MINDY4: variants seen among roughly 807,000 people sequenced by gnomAD.
The protein encoded by MINDY4 is probable ubiquitin carboxyl-terminal hydrolase MINDY-4.
In MINDY4, 68 loss-of-function variants were observed where a neutral mutation model predicts 87.0. The ratio of observed to expected loss-of-function variants is 0.78; its 90% CI spans 0.64 to 0.96. MINDY4 has a LOEUF of 0.96. MINDY4 is among the 40% of genes least tolerant of loss of function. MINDY4 has a pLI of 0.00. For missense variants in MINDY4, 919 were observed against 928.2 expected (o/e 0.99, Z 0.13); for synonymous variants, 379 against 363.2 (o/e 1.04, Z -0.50).
intron 6 of MINDY4, among the ~76,000 whole-genome samples, chr7:30,833,918 C>T (rs1234007702): frequency 6.6e-6 from 1 of 152,238 alleles, no homozygotes; most frequent in East Asian, 1.9e-4. Context: ...CATGCTGATG[C>T]AAGAGGTGGG....
chr7:30,810,174 C>CAAAAAAAAAAAAAAAAAAAAA, intron 5 of MINDY4, among the ~76,000 whole-genome samples: 1 of 66,698 alleles, frequency 1.5e-5, no homozygotes, highest in Non-Finnish European at 2.6e-5. Context: ...GACTCTGTTT[C>CAAAAAAAAAAAAAAAAAAAAA]AAAAAAAAAA....
intron 4 of MINDY4, chr7:30,786,270 C>T (rs1584236473): frequency 4.7e-6 from 2 of 421,198 alleles, no homozygotes; most frequent in East Asian, 9.1e-5. Flanking sequence ...AGAATACCTA[C>T]TCAGCTTTGT....
At chr7:30,891,430 C>T (rs1947647121) in intron 17 of MINDY4, among the ~76,000 whole-genome samples, 1 of 148,554 alleles carries the variant, frequency 6.7e-6, no homozygotes, top group African/African-American at 2.6e-5. Flanking sequence ...AAACAAAAAA[C>T]TGTCGTGTTA....
At chr7:30,809,177 G>A (rs758827589) in intron 5 of MINDY4, among the ~76,000 whole-genome samples, 9 of 152,114 alleles carry the variant, frequency 5.9e-5, no homozygotes, top group Non-Finnish European at 1.2e-4. Context: ...TGTTGTCAGT[G>A]TAAACAAGGG....
intron 5 of MINDY4, among the ~76,000 whole-genome samples, chr7:30,803,696 G>A (rs1164153695): frequency 6.6e-6 from 1 of 152,150 alleles, no homozygotes. Flanking sequence ...TTTTGTTTTT[G>A]GGGTAGGGGG....
chr7:30,778,341 G>T, intron 1 of MINDY4, 91 bp from the exon 2 acceptor site: 1 of 1,508,592 alleles, frequency 6.6e-7, no homozygotes. Flanking sequence ...GAATTATCTT[G>T]GTGAACATCA....
At chr7:30,793,562 C>A (rs887822707) in intron 5 of MINDY4, among the ~76,000 whole-genome samples, 17 of 152,004 alleles carry the variant, frequency 1.1e-4, no homozygotes, top group African/African-American at 4.1e-4. Flanking sequence ...ACCACAGATG[C>A]ACTTATTTCC....
chr7:30,830,077 G>A (rs1377024765), intron 6 of MINDY4, among the ~76,000 whole-genome samples: 1 of 152,126 alleles, frequency 6.6e-6, no homozygotes, highest in Non-Finnish European at 1.5e-5. Flanking sequence ...GTGGGGGCCA[G>A]GGGGTTGGGG....
rs184838346 is a variant in MINDY4 at position 30,867,577 on chromosome 7, C to T, written c.1746-4666C>T. ...GCAGTAATTGGATTTGACCAGGGCC[C>T]TCTGACTTTAGAGCCCAAGTTCTCT... On this transcript the variant is annotated intron_variant, in intron 13 of 17. Coordinates refer to ENST00000265299, the MANE Select transcript of MINDY4 (RefSeq NM_032222.3). Among the ~76,000 whole-genome samples, 113 of 152,294 alleles carry T rather than the reference C, an allele frequency of 7.4e-4. 1 individual carries two copies. The South Asian group carries it at 0.013, about 18-fold the overall frequency.
At chr7:30,823,109 A>T (rs1039002222) in intron 5 of MINDY4, among the ~76,000 whole-genome samples, 3 of 152,086 alleles carry the variant, frequency 2.0e-5, no homozygotes, top group African/African-American at 7.2e-5. Flanking sequence ...TTCCTGTTAC[A>T]TCACATCAGG....
chr7:30,859,327 G>T lies in MINDY4; in HGVS notation c.1745+3G>T. 1 of 1,613,956 alleles carries T rather than the reference G, an allele frequency of 6.2e-7. No individual in the cohort carries two copies. The highest frequency in any genetic ancestry group is 8.5e-7 in the Non-Finnish European group (1 of 1,179,930). Reference sequence around the variant, plus strand: ...ATCCTGTCCAGGTCTACAGAGCTGTGAGTATCTTTCTCCCTCAACTCCCTG... The same window carrying T: ...ATCCTGTCCAGGTCTACAGAGCTGTTAGTATCTTTCTCCCTCAACTCCCTG... On this transcript the variant is annotated splice_donor_region_variant and intron_variant, in intron 13 of 17. Coordinates refer to ENST00000265299, the MANE Select transcript of MINDY4 (RefSeq NM_032222.3).
chr7:30,790,569 G>A (rs73300034), intron 4 of MINDY4, among the ~76,000 whole-genome samples: 50 of 151,882 alleles, frequency 3.3e-4, no homozygotes, highest in Non-Finnish European at 6.8e-4. Context: ...TCCACCTCCC[G>A]AGTAGCTGAG....
Position 30,892,071 on chromosome 7 carries a change from A to T in MINDY4, c.*66A>T. The T allele has an allele frequency of 6.4e-7, 1 of 1,571,562 alleles. No individual in the cohort carries two copies. The highest frequency in any genetic ancestry group is 1.1e-5 in the South Asian group (1 of 90,238). On this transcript the variant is annotated 3_prime_UTR_variant, in exon 18 of 18. Transcript: ENST00000265299. ...CCTCATCACCGAGGATGACAGCTGA[A>T]CCCCAAGCCTCTGGGGCAGGTCTCA...
chr7:30,822,084 T>G (rs1234089671), intron 5 of MINDY4, among the ~76,000 whole-genome samples: 1 of 152,176 alleles, frequency 6.6e-6, no homozygotes, highest in Non-Finnish European at 1.5e-5. Context: ...ATCCTGACAT[T>G]TCACTTGTAA....
chr7:30,880,787 G>A (rs949345859), intron 15 of MINDY4, among the ~76,000 whole-genome samples: 3 of 152,192 alleles, frequency 2.0e-5, no homozygotes, highest in Non-Finnish European at 2.9e-5. Context: ...GCTGGGGTGA[G>A]GCTTCGGTGT....
rs758674640 is a variant in MINDY4 at position 30,778,495 on chromosome 7, A to C, written c.127A>C (p.Asn43His). The change falls in exon 2 of 18, where the codon AAC becomes CAC. Residue 43 changes from asparagine (N) to histidine (H), a missense_variant. Coordinates refer to ENST00000265299, the MANE Select transcript of MINDY4 (RefSeq NM_032222.3). ...CCCACGCTCTGACCTCAGCATAAAC[A>C]ACAGAAATGATCTTCGAAAGGTTTT... ...ERPRSDLSIN[N>H]RNDLRKVLHL... 6.2e-7 allele frequency: 1 copy of C among 1,614,232 alleles called. No homozygotes were observed. Among genetic ancestry groups the C allele is most frequent in the Non-Finnish European group, 8.5e-7 (1 of 1,180,038 alleles).
chr7:30,847,328 A>G (rs1305386747), intron 9 of MINDY4, among the ~76,000 whole-genome samples: 1 of 152,162 alleles, frequency 6.6e-6, no homozygotes, highest in East Asian at 1.9e-4. Context: ...TTGTGCTTGG[A>G]GACATGGTGG....
intron 6 of MINDY4, among the ~76,000 whole-genome samples, chr7:30,829,206 T>TTCTGTGTACA (rs1484467269): frequency 6.6e-6 from 1 of 152,234 alleles, no homozygotes. Flanking sequence ...GCATCTTCAC[T>TTCTGTGTACA]TCTGTGTACA....
intron 10 of MINDY4, 107 bp from the exon 11 acceptor site, chr7:30,852,109 C>A: frequency 7.8e-7 from 1 of 1,283,270 alleles, no homozygotes; most frequent in Non-Finnish European, 1.1e-6. Context: ...CTCTCTGGAG[C>A]CACCTTCTTA....
Sources: gnomAD v4.1 joint callset for allele counts (sites outside exome capture counted in the v4.1 genomes callset) on GRCh38, gnomAD v4.1.1 for gene constraint, MANE v1.5 for transcripts, NCBI Gene and HGNC (gene_info 2026-07-23, HGNC 2026-07-21) for gene names.